FAM111B: variants seen among roughly 807,000 people sequenced by gnomAD.
The protein encoded by FAM111B is serine protease FAM111B.
FAM111B carries 1 observed loss-of-function variant against 2.8 expected under a neutral mutation model. The ratio of observed to expected loss-of-function variants is 0.36; its 90% CI spans 0.13 to 1.70. FAM111B has a LOEUF of 1.70. Among genes scored for constraint, FAM111B ranks in the 40% most tolerant of loss-of-function variants. The pLI, the probability that FAM111B is intolerant of heterozygous loss-of-function variation, is 0.35. For synonymous variants in FAM111B, 297 were observed against 295.6 expected, an observed-to-expected ratio of 1.00 and a Z score of -0.05; for missense variants, 882 against 878.9, an observed-to-expected ratio of 1.00 and a Z score of -0.04.
chr11:59,114,011 A>T (rs1220163697), intron 3 of FAM111B, among the ~76,000 whole-genome samples: 3 of 152,262 alleles, frequency 2.0e-5, no homozygotes, highest in Admixed American at 6.5e-5. Flanking sequence ...ATTATCCAGG[A>T]AACAGACAAA....
intron 3 of FAM111B, among the ~76,000 whole-genome samples, chr11:59,118,461 T>C (rs921629807): frequency 1.3e-5 from 2 of 152,246 alleles, no homozygotes; most frequent in African/African-American, 2.4e-5. Context: ...AAGTCTTGCA[T>C]ATCTTGTCAG....
chr11:59,124,695 A>G lies in FAM111B; in HGVS notation c.598A>G (p.Lys200Glu), dbSNP rs886491907. 33 of 1,613,766 alleles carry G rather than the reference A, an allele frequency of 2.0e-5. No individual in the cohort carries two copies. The highest frequency in any genetic ancestry group is 2.6e-5 in the Non-Finnish European group (31 of 1,179,778). Residue 200 changes from lysine to glutamate, a missense_variant, in exon 4 of 4, where the codon AAG (lysine) becomes GAG (glutamate). By Grantham distance (56) the Lys-to-Glu change is moderately conservative. Transcript: ENST00000343597. ...AIGRTRKKIV[K>E]INELHEKGSK... is the part of the protein sequence containing the mutation. ...AGGAAGGACAAGAAAGAAGATTGTT[A>G]AGATCAACGAACTTCATGAAAAAGG...
chr11:59,124,033 A>C (rs1401626913), intron 3 of FAM111B, 146 bp from the exon 4 acceptor site: 1 of 512,980 alleles, frequency 1.9e-6, no homozygotes, highest in Non-Finnish European at 3.3e-6. Flanking sequence ...AAATTGATAG[A>C]ATAGTGATTG....
intron 3 of FAM111B, among the ~76,000 whole-genome samples, chr11:59,111,748 G>A (rs1859761620): frequency 6.6e-6 from 1 of 152,004 alleles, no homozygotes; most frequent in South Asian, 2.1e-4. Flanking sequence ...ACTAGTCTAG[G>A]GCATCCAATT....
intron 3 of FAM111B, among the ~76,000 whole-genome samples, chr11:59,113,562 G>A (rs141726174): frequency 2.1e-3 from 319 of 152,286 alleles, no homozygotes; most frequent in Non-Finnish European, 3.8e-3. Context: ...GGTCTCTGGA[G>A]TATGTCTTGC....
Position 59,125,927 on chromosome 11 carries a change from G to A in FAM111B, c.1830G>A (p.Leu610=). The change falls in exon 4 of 4, where the codon TTG becomes TTA. Residue 610 remains leucine (L), a synonymous_variant. Coordinates refer to ENST00000343597, the MANE Select transcript of FAM111B (RefSeq NM_198947.4). ...ATCCAAACGATTGTCAAGATGGGTT[G>A]GTAGATCTCTATGATACCACCAGTA... The part of the protein sequence containing the change: ...KKYPNDCQDG[L]VDLYDTTSNV... 2 of 1,613,750 alleles carry A rather than the reference G, an allele frequency of 1.2e-6. No individual in the cohort carries two copies. Among genetic ancestry groups the A allele is most frequent in the Non-Finnish European group, 1.7e-6 (2 of 1,179,788 alleles).
chr11:59,124,185 G>T lies in FAM111B; in HGVS notation c.88G>T (p.Val30Phe), dbSNP rs201747467. 1.4e-5 allele frequency: 22 copies of T among 1,606,782 alleles called. No homozygotes were observed. Among genetic ancestry groups the T allele is most frequent in the Non-Finnish European group, 1.9e-5 (22 of 1,176,030 alleles). Residue 30 changes from valine (V) to phenylalanine (F), a missense_variant, in exon 4 of 4, where the codon GTC (valine) becomes TTC (phenylalanine). Coordinates refer to ENST00000343597, the MANE Select transcript of FAM111B (RefSeq NM_198947.4). ...TTAATCTTTCCTTTTTAAGGATACT[G>T]TCATGAAGCAGACACATGCTGACAC... ...RTRPEVSKDT[V>F]MKQTHADTPV...
chr11:59,110,235 A>T (rs1199607480), intron 3 of FAM111B, among the ~76,000 whole-genome samples: 1 of 152,232 alleles, frequency 6.6e-6, no homozygotes, highest in African/African-American at 2.4e-5. Context: ...ATGATAATAC[A>T]AAATTGAGAC....
chr11:59,116,443 C>G (rs1265706356), intron 3 of FAM111B, among the ~76,000 whole-genome samples: 1 of 152,178 alleles, frequency 6.6e-6, no homozygotes, highest in Non-Finnish European at 1.5e-5. Context: ...AGGTGAAATT[C>G]TGTGTCCCAA....
intron 3 of FAM111B, among the ~76,000 whole-genome samples, chr11:59,118,422 T>C (rs989579686): frequency 5.9e-5 from 9 of 152,206 alleles, no homozygotes; most frequent in African/African-American, 2.2e-4. Context: ...CAGGTCTTGT[T>C]TAATTTCCTA....
intron 3 of FAM111B, among the ~76,000 whole-genome samples, chr11:59,113,240 T>G (rs1282909903): frequency 6.6e-6 from 1 of 152,250 alleles, no homozygotes; most frequent in Non-Finnish European, 1.5e-5. Context: ...CAATTGTGGA[T>G]GATTAGCATC....
intron 3 of FAM111B, among the ~76,000 whole-genome samples, chr11:59,118,184 C>G (rs540468863): frequency 1.3e-5 from 2 of 152,270 alleles, no homozygotes; most frequent in South Asian, 4.1e-4. Context: ...AGCCTCTGAT[C>G]CTTTTGTTAC....
At position 59,126,845 on chromosome 11, in the gene FAM111B, G is replaced by T. The variant is rs370811287; in HGVS notation, c.*543G>T. On this transcript the variant is annotated 3_prime_UTR_variant, in exon 4 of 4. Coordinates refer to ENST00000343597, the MANE Select transcript of FAM111B (RefSeq NM_198947.4). ...GAAAGCAGTTGGGTGATTTCTAAAA[G>T]AACTTAAAACAGCTACCATTCAAGC... is the stretch of plus-strand genomic sequence containing the variant. 6.2e-6 allele frequency: 1 copy of T among 160,784 alleles called. No homozygotes were observed. 10.0% of individuals were successfully genotyped at this position (160,784 alleles called of 1,614,324 possible).
chr11:59,108,754 C>G (rs1171851706), intron 2 of FAM111B, 42 bp downstream of exon 2: 1 of 152,212 alleles, frequency 6.6e-6, no homozygotes, highest in African/African-American at 2.4e-5. Context: ...TCTATCTTCT[C>G]TCTCACTTCT....
chr11:59,107,735 G>A (rs1288288807), intron 1 of FAM111B, among the ~76,000 whole-genome samples: 2 of 152,122 alleles, frequency 1.3e-5, no homozygotes, highest in Non-Finnish European at 2.9e-5. Context: ...AAAGAGACGG[G>A]GCTTTCCAGA....
chr11:59,121,338 T>C (rs1859918462), intron 3 of FAM111B, among the ~76,000 whole-genome samples: 2 of 152,080 alleles, frequency 1.3e-5, no homozygotes, highest in South Asian at 4.1e-4. Context: ...GACTGAAGTG[T>C]GAAAAAGGGT....
At chr11:59,110,996 A>C (rs1397942691) in intron 3 of FAM111B, among the ~76,000 whole-genome samples, 1 of 152,234 alleles carries the variant, frequency 6.6e-6, no homozygotes, top group Non-Finnish European at 1.5e-5. Context: ...ACATGAGTGG[A>C]CATTCCAGAA....
rs370800958 is a variant in FAM111B at position 59,110,152 on chromosome 11, AG to A, written c.81+448del. 6.8e-3 allele frequency: 1,035 copies of A among 152,422 alleles called. 7 individuals carry two copies. Among genetic ancestry groups the A allele is most frequent in the Non-Finnish European group, 0.012 (798 of 68,112 alleles). The allele number at this position is 152,422 out of a possible 1,614,324, so 9.4% of individuals were successfully genotyped here. A position where few individuals can be genotyped will look rare whatever the true frequency, so the allele number is the denominator to read the frequency against. On this transcript the variant is annotated intron_variant, in intron 3 of 3. Transcript: ENST00000343597. ...TGCAGAAGTAATGGACTTCAGAGCA[AG>A]GATTTAAACCTAGTCCATCAGACTG...
At position 59,124,189 on chromosome 11, in the gene FAM111B, T is replaced by C. The variant is rs755138806; in HGVS notation, c.92T>C (p.Met31Thr). The change falls in exon 4 of 4, where the codon ATG (methionine) becomes ACG (threonine). Residue 31 changes from methionine to threonine, a missense_variant. By Grantham distance (81) the Met-to-Thr change is moderately conservative. Coordinates refer to ENST00000343597, the MANE Select transcript of FAM111B (RefSeq NM_198947.4). ...TRPEVSKDTVMKQTHADTPVD... is the reference protein window; with the variant it reads ...TRPEVSKDTVTKQTHADTPVD... The stretch of plus-strand genomic sequence containing the variant: ...TCTTTCCTTTTTAAGGATACTGTCA[T>C]GAAGCAGACACATGCTGACACACCT... 15 of 1,608,370 alleles carry C rather than the reference T, an allele frequency of 9.3e-6. No individual in the cohort carries two copies. The highest frequency in any genetic ancestry group is 1.3e-5 in the Non-Finnish European group (15 of 1,176,758).
Sources: allele counts gnomAD v4.1 joint callset (sites outside exome capture counted in the v4.1 genomes callset), GRCh38; gene constraint gnomAD v4.1.1; transcripts MANE v1.5; gene names NCBI Gene and HGNC (gene_info 2026-07-23, HGNC 2026-07-21).